Variants in CTNNA3 observed in about 807,000 individuals in gnomAD.
CTNNA3 encodes the protein catenin alpha 3, also known as catenin alpha-3.
CTNNA3 carries 76 observed loss-of-function variants against 95.7 expected under a neutral mutation model. The ratio of observed to expected loss-of-function variants is 0.79; its 90% CI spans 0.66 to 0.96. The LOEUF (loss-of-function observed/expected upper bound fraction) is 0.96, where lower values mean the gene tolerates loss of function less well. Ranked by LOEUF, CTNNA3 falls within the 40% of genes least tolerant of loss-of-function variation. The pLI is 0.00. For missense variants in CTNNA3, 1,191 were observed against 1,089.8 expected (o/e 1.09, Z -1.31); for synonymous variants, 431 against 374.4 (o/e 1.15, Z -1.74).
intron 3 of CTNNA3, among the ~76,000 whole-genome samples, chr10:67,601,448 A>C (rs1843081385): frequency 6.6e-6 from 1 of 152,090 alleles, no homozygotes; most frequent in African/African-American, 2.4e-5. Flanking sequence ...CAGGAGGTGG[A>C]GCTTAGGCAG....
At chr10:66,729,324 A>T (rs1848879291) in intron 9 of CTNNA3, among the ~76,000 whole-genome samples, 1 of 152,264 alleles carries the variant, frequency 6.6e-6, no homozygotes, top group South Asian at 2.1e-4. Context: ...GTTACGGAGA[A>T]AAAGGAATAT....
chr10:67,111,132 C>T (rs895888274), intron 7 of CTNNA3, among the ~76,000 whole-genome samples: 1 of 152,098 alleles, frequency 6.6e-6, no homozygotes, highest in Admixed American at 6.6e-5. Context: ...TTCAGTATTT[C>T]CTTCTCAGTT....
At chr10:67,356,480 C>T (rs1183055970) in intron 5 of CTNNA3, among the ~76,000 whole-genome samples, 1 of 152,048 alleles carries the variant, frequency 6.6e-6, no homozygotes, top group Non-Finnish European at 1.5e-5. Context: ...GTCATTTCCA[C>T]ATAACTGAAT....
chr10:66,154,719 C>CATATATATATATATATAT (rs569694429), intron 13 of CTNNA3, among the ~76,000 whole-genome samples: 7,315 of 74,286 alleles, frequency 0.098, 743 homozygotes, highest in Non-Finnish European at 0.12. Context: ...TGAAAAAGTT[C>CATATATATATATATATAT]ATATATATAT....
intron 7 of CTNNA3, among the ~76,000 whole-genome samples, chr10:67,123,326 G>GA (rs1279145479): frequency 1.3e-5 from 2 of 152,036 alleles, no homozygotes; most frequent in Admixed American, 6.6e-5. Flanking sequence ...GCTAGTCCTG[G>GA]AAAAAAATTA....
At chr10:66,336,168 C>T (rs937940451) in intron 12 of CTNNA3, among the ~76,000 whole-genome samples, 8 of 152,066 alleles carry the variant, frequency 5.3e-5, no homozygotes, top group Non-Finnish European at 7.4e-5. Context: ...TCCCTGACCC[C>T]TTGTGCTTCC....
intron 13 of CTNNA3, among the ~76,000 whole-genome samples, chr10:66,243,844 G>A (rs2090201314): frequency 6.6e-6 from 1 of 152,170 alleles, no homozygotes; most frequent in Non-Finnish European, 1.5e-5. Context: ...ATAACCAGCA[G>A]CAATACCCAG....
intron 15 of CTNNA3, among the ~76,000 whole-genome samples, chr10:66,029,811 C>T (rs2079414838): frequency 6.6e-6 from 1 of 152,034 alleles, no homozygotes; most frequent in African/African-American, 2.4e-5. Flanking sequence ...AGTAGATAAA[C>T]ATACAAATAA....
chr10:67,008,718 T>C (rs1852154293), intron 7 of CTNNA3, among the ~76,000 whole-genome samples: 1 of 152,158 alleles, frequency 6.6e-6, no homozygotes, highest in African/African-American at 2.4e-5. Context: ...CATGTAGTCT[T>C]TCATCCTCCA....
intron 12 of CTNNA3, among the ~76,000 whole-genome samples, chr10:66,348,442 T>C (rs1254668753): frequency 6.6e-6 from 1 of 152,052 alleles, no homozygotes; most frequent in African/African-American, 2.4e-5. Context: ...GGTTGTGGGA[T>C]TGAGTGTGAT....
intron 7 of CTNNA3, among the ~76,000 whole-genome samples, chr10:67,111,153 A>G (rs1858891871): frequency 1.3e-5 from 2 of 152,158 alleles, no homozygotes; most frequent in Non-Finnish European, 2.9e-5. Context: ...TGAGTTTTAT[A>G]TAGCATATGA....
At chr10:67,049,409 T>G (rs1854950365) in intron 7 of CTNNA3, among the ~76,000 whole-genome samples, 1 of 152,162 alleles carries the variant, frequency 6.6e-6, no homozygotes. Flanking sequence ...TAAACTGAAT[T>G]TCTAAGCCAC....
chr10:66,134,277 A>G (rs1481919727), intron 13 of CTNNA3, among the ~76,000 whole-genome samples: 1 of 152,110 alleles, frequency 6.6e-6, no homozygotes, highest in Non-Finnish European at 1.5e-5. Context: ...TCTTAATAAT[A>G]CACTCTGTTG....
chr10:67,364,693 A>G (rs1843139223), intron 5 of CTNNA3, among the ~76,000 whole-genome samples: 1 of 152,134 alleles, frequency 6.6e-6, no homozygotes, highest in Admixed American at 6.6e-5. Context: ...CTTCAAGGAG[A>G]ACTACAAACC....
intron 7 of CTNNA3, among the ~76,000 whole-genome samples, chr10:66,804,058 AT>A (rs969128455): frequency 1.3e-5 from 2 of 150,874 alleles, no homozygotes; most frequent in African/African-American, 2.4e-5. Context: ...ACAAAAGTGT[AT>A]TTTTTTTACC....
At chr10:67,622,847 A>G (rs995015848) in intron 2 of CTNNA3, among the ~76,000 whole-genome samples, 2 of 152,214 alleles carry the variant, frequency 1.3e-5, no homozygotes, top group Non-Finnish European at 2.9e-5. Flanking sequence ...AAACTTTAAA[A>G]CATTACTGAG....
rs562520872 is a variant in CTNNA3, at chr10:67,600,606, T to C, written c.292+6251A>G. Among the ~76,000 whole-genome samples the C allele has an allele frequency of 1.8e-4, 27 of 152,318 alleles. No individual in the cohort carries two copies. The East Asian group carries it at 3.3e-3, about 18-fold the overall frequency. ...CCAAGTTCACAAGAATGTGGAGCAG[T>C]TGGAGCTCGTATTAGAAAATTCACT... On this transcript the variant is annotated intron_variant, in intron 3 of 17. Coordinates refer to ENST00000433211, the MANE Select transcript of CTNNA3 (RefSeq NM_013266.4).
At chr10:67,215,015 C>G (rs1864292844) in intron 6 of CTNNA3, among the ~76,000 whole-genome samples, 1 of 151,788 alleles carries the variant, frequency 6.6e-6, no homozygotes, top group South Asian at 2.1e-4. Context: ...CTGTTTTATA[C>G]TTCTCTCTCT....
rs1435433075 is a variant in CTNNA3 at position 67,073,518 on chromosome 10, T to C, written c.1047+106799A>G. On this transcript the variant is annotated intron_variant, in intron 7 of 17. Coordinates refer to ENST00000433211, the MANE Select transcript of CTNNA3 (RefSeq NM_013266.4). ...AAACTCTCGTTTGTCAACATCCCTCTTAAACAAGTATCAACAAAAATCCTA... is the reference window on the plus strand; with the variant it reads ...AAACTCTCGTTTGTCAACATCCCTCCTAAACAAGTATCAACAAAAATCCTA... 2.6e-5 allele frequency among the ~76,000 whole-genome samples: 4 copies of C among 152,006 alleles called. No individual in the cohort carries two copies. The East Asian group carries it at 7.7e-4, about 29-fold the overall frequency.
Sources: allele counts gnomAD v4.1 joint callset (sites outside exome capture counted in the v4.1 genomes callset), GRCh38; gene constraint gnomAD v4.1.1; transcripts MANE v1.5; gene names NCBI Gene and HGNC (gene_info 2026-07-23, HGNC 2026-07-21).